The following RESF1 variants were observed in gnomAD, a reference collection of about 807,000 sequenced individuals.
The protein encoded by RESF1 is retroelement silencing factor 1.
Under a neutral mutation model 134.7 loss-of-function variants are expected in RESF1, and 65 were observed. The ratio of observed to expected loss-of-function variants is 0.48; its 90% CI spans 0.40 to 0.59. The LOEUF (loss-of-function observed/expected upper bound fraction) is 0.59. Ranked by LOEUF, RESF1 falls within the 20% of genes least tolerant of loss-of-function variation. The pLI is 0.00. For missense variants in RESF1, 2,274 were observed against 2,002.7 expected (o/e 1.14, Z -2.59); for synonymous variants, 762 against 702.2 (o/e 1.09, Z -1.35).
chr12:31,962,222 A>T (rs916943496), intron 2 of RESF1, among the ~76,000 whole-genome samples: 14 of 139,800 alleles, frequency 1.0e-4, no homozygotes, highest in African/African-American at 1.8e-4. Flanking sequence ...TGTCTTTTTA[A>T]AAAAAAAAAA....
At position 31,981,754 on chromosome 12, in the gene RESF1, C is replaced by G; in HGVS notation, c.799C>G (p.Gln267Glu). The G allele has an allele frequency of 6.2e-7, 1 of 1,613,820 alleles. No individual in the cohort carries two copies. Among genetic ancestry groups the G allele is most frequent in the Non-Finnish European group, 8.5e-7 (1 of 1,179,996 alleles). ...AAGGCAGACCTCAGCTGTACCATCA[C>G]AGCAGTATGCCACGCAAACTGACAA... ...PSRQTSAVPS[Q>E]QYATQTDKRP... The change falls in exon 4 of 6, where the codon CAG (glutamine) becomes GAG (glutamate). Residue 267 changes from glutamine (Q) to glutamate (E), a missense_variant. Coordinates refer to ENST00000312561, the MANE Select transcript of RESF1 (RefSeq NM_018169.4).
At chr12:31,989,631 C>T (rs917560797) in intron 5 of RESF1, among the ~76,000 whole-genome samples, 2 of 152,046 alleles carry the variant, frequency 1.3e-5, no homozygotes, top group Admixed American at 1.3e-4. Flanking sequence ...GCAGGCAGAT[C>T]GCCTGAGGTC....
chr12:31,962,041 G>C (rs1302352594), intron 2 of RESF1, among the ~76,000 whole-genome samples: 1 of 152,092 alleles, frequency 6.6e-6, no homozygotes, highest in Non-Finnish European at 1.5e-5. Flanking sequence ...CTGGCCTCAA[G>C]TTGGCCAACA....
chr12:31,985,448 A>T lies in RESF1; in HGVS notation c.4493A>T (p.His1498Leu). 6.2e-7 allele frequency: 1 copy of T among 1,607,538 alleles called. No homozygotes were observed. Among genetic ancestry groups the T allele is most frequent in the Non-Finnish European group, 8.5e-7 (1 of 1,178,344 alleles). The change falls in exon 4 of 6, where the codon CAC (histidine) becomes CTC (leucine). Residue 1498 changes from histidine to leucine, a missense_variant. His to Leu is a moderately conservative substitution (Grantham distance 99). Coordinates refer to ENST00000312561, the MANE Select transcript of RESF1 (RefSeq NM_018169.4). ...AGTTGTGGGAAATCAAATGAGAAACACAGCAGCGGCGTGCAGACCTCTAAA... is the reference window on the plus strand; with the variant it reads ...AGTTGTGGGAAATCAAATGAGAAACTCAGCAGCGGCGTGCAGACCTCTAAA... ...VESCGKSNEK[H>L]SSGVQTSKES...
At chr12:31,988,946 G>A (rs1414599245) in intron 5 of RESF1, among the ~76,000 whole-genome samples, 6 of 151,324 alleles carry the variant, frequency 4.0e-5, no homozygotes, top group South Asian at 2.1e-4. Flanking sequence ...CACCTGCCTC[G>A]GCCTCCCAAA....
In RESF1 at chr12:31,992,539, C is replaced by T. The variant is rs1057085580; in HGVS notation, c.*4C>T. Reference sequence around the variant, plus strand: ...TGGTAGCAGTCCTGTAAAATAATTACAAGATGTGGTTTTGTAATTGCCACT... The same window carrying T: ...TGGTAGCAGTCCTGTAAAATAATTATAAGATGTGGTTTTGTAATTGCCACT... On this transcript the variant is annotated 3_prime_UTR_variant, in exon 6 of 6. Transcript: ENST00000312561. 2 of 1,611,856 alleles carry T rather than the reference C, an allele frequency of 1.2e-6. No individual in the cohort carries two copies. Among genetic ancestry groups the T allele is most frequent in the East Asian group, 2.2e-5 (1 of 44,816 alleles).
chr12:31,973,047 C>T (rs1369817548), intron 3 of RESF1, among the ~76,000 whole-genome samples: 2 of 151,928 alleles, frequency 1.3e-5, no homozygotes, highest in Non-Finnish European at 2.9e-5. Context: ...TTCATGGAAG[C>T]ACAAATTCTT....
intron 4 of RESF1, among the ~76,000 whole-genome samples, chr12:31,986,862 A>T (rs1939983479): frequency 6.6e-6 from 1 of 152,192 alleles, no homozygotes; most frequent in Non-Finnish European, 1.5e-5. Context: ...TTCATTTTGT[A>T]AAAAATTGGT....
In RESF1 at chr12:31,982,349, C is replaced by T. The variant is rs1432666558; in HGVS notation, c.1394C>T (p.Ala465Val). 1 of 1,614,106 alleles carries T rather than the reference C, an allele frequency of 6.2e-7. No individual in the cohort carries two copies. Among genetic ancestry groups the T allele is most frequent in the South Asian group, 1.1e-5 (1 of 91,076 alleles). The change falls in exon 4 of 6, where the codon GCA (alanine) becomes GTA (valine). Residue 465 changes from alanine to valine, a missense_variant. Coordinates refer to ENST00000312561, the MANE Select transcript of RESF1 (RefSeq NM_018169.4). ...PQITPVMPEN[A>V]ERQTPTVVES... ...ATAACTCCAGTAATGCCAGAGAATGCAGAGAGACAAACACCAACAGTAGTG... is the reference window on the plus strand; with the variant it reads ...ATAACTCCAGTAATGCCAGAGAATGTAGAGAGACAAACACCAACAGTAGTG...
intron 3 of RESF1, among the ~76,000 whole-genome samples, chr12:31,976,367 A>G (rs530857517): frequency 6.6e-6 from 1 of 152,298 alleles, no homozygotes; most frequent in South Asian, 2.1e-4. Context: ...ATAAACACAT[A>G]TTTTGTATGT....
rs757766897 is a variant in RESF1 at position 31,985,966 on chromosome 12, T to G, written c.5002+9T>G. 2 of 1,460,912 alleles carry G rather than the reference T, an allele frequency of 1.4e-6. No individual in the cohort carries two copies. The highest frequency in any genetic ancestry group is 1.6e-5 in the South Asian group (1 of 62,636). The allele number at this position is 1,460,912 out of a possible 1,614,324, so 90.5% of individuals were successfully genotyped here. On this transcript the variant is annotated intron_variant, in intron 4 of 5. Coordinates refer to ENST00000312561, the MANE Select transcript of RESF1 (RefSeq NM_018169.4). ...GCAAGCCCCTCTGCAAGGTCCAGTATGATTTTCTTGGTGGTGTCTACAATA... is the reference window on the plus strand; with the variant it reads ...GCAAGCCCCTCTGCAAGGTCCAGTAGGATTTTCTTGGTGGTGTCTACAATA...
chr12:31,965,907 A>AG (rs1939388976), intron 2 of RESF1, among the ~76,000 whole-genome samples: 1 of 151,212 alleles, frequency 6.6e-6, no homozygotes, highest in Admixed American at 6.6e-5. Flanking sequence ...AAAAAAAAAA[A>AG]GAAGTGATAC....
chr12:31,967,567 G>T (rs1939423521), intron 2 of RESF1, among the ~76,000 whole-genome samples: 2 of 152,042 alleles, frequency 1.3e-5, no homozygotes, highest in African/African-American at 2.4e-5. Context: ...CCATTGATTG[G>T]TTTTTTGTTT....
rs529145360 is a variant in RESF1, at chr12:31,984,329, C to G, written c.3374C>G (p.Pro1125Arg). 6 of 1,613,952 alleles carry G rather than the reference C, an allele frequency of 3.7e-6. No individual in the cohort carries two copies. The highest frequency in any genetic ancestry group is 2.2e-5 in the East Asian group (1 of 44,892). ...KEIFPEQDDQPYVVDKLAEPQ... is the reference protein window; with the variant it reads ...KEIFPEQDDQRYVVDKLAEPQ... ...ATATTTCCTGAACAGGATGATCAAC[C>G]CTATGTAGTAGACAAGTTGGCAGAA... Residue 1125 changes from proline (P) to arginine (R), a missense_variant, in exon 4 of 6, where the codon CCC (proline) becomes CGC (arginine). Pro to Arg is a moderately radical substitution (Grantham distance 103). Coordinates refer to ENST00000312561, the MANE Select transcript of RESF1 (RefSeq NM_018169.4).
rs757842875 is a variant in RESF1 at position 31,981,585 on chromosome 12, T to G, written c.630T>G (p.Asp210Glu). The G allele has an allele frequency of 6.2e-7, 1 of 1,614,146 alleles. No individual in the cohort carries two copies. The highest frequency in any genetic ancestry group is 8.5e-7 in the Non-Finnish European group (1 of 1,180,018). ...QCISKGLTYP[D>E]YRPPPKLYRY... is the part of the protein sequence containing the mutation. ...TATCTAAGGGACTGACTTACCCAGA[T>G]TACAGACCACCTCCAAAGCTATACC... Residue 210 changes from aspartate (D) to glutamate (E), a missense_variant, in exon 4 of 6, where the codon GAT (aspartate) becomes GAG (glutamate). Asp to Glu is a conservative substitution (Grantham distance 45). Coordinates refer to ENST00000312561, the MANE Select transcript of RESF1 (RefSeq NM_018169.4).
At chr12:31,967,439 G>A (rs1395950750) in intron 2 of RESF1, among the ~76,000 whole-genome samples, 3 of 152,178 alleles carry the variant, frequency 2.0e-5, no homozygotes, top group African/African-American at 4.8e-5. Context: ...CTCAGCTTAC[G>A]ATGGAGTTAC....
chr12:31,991,210 AC>A (rs1227654242), intron 5 of RESF1, among the ~76,000 whole-genome samples: 1 of 151,374 alleles, frequency 6.6e-6, no homozygotes, highest in Non-Finnish European at 1.5e-5. Context: ...AAAAAAAAAA[AC>A]CCACAGGAGA....
rs770959163 is a variant in RESF1, at chr12:31,985,760, G to T, written c.4805G>T (p.Ser1602Ile). 14 of 1,575,994 alleles carry T rather than the reference G, an allele frequency of 8.9e-6. No individual in the cohort carries two copies. In the Admixed American group the frequency reaches 2.4e-4, roughly 27 times the overall value. ...RESISLTKLE[S>I]SPRKLHKDKR... ...AGCATTTCTCTCACCAAATTAGAAA[G>T]TTCACCCAGGAAGCTTCATAAAGAT... The change falls in exon 4 of 6, where the codon AGT (serine) becomes ATT (isoleucine). Residue 1602 changes from serine (S) to isoleucine (I), a missense_variant. By Grantham distance (142) the Ser-to-Ile change is moderately radical (BLOSUM62 -2). Coordinates refer to ENST00000312561, the MANE Select transcript of RESF1 (RefSeq NM_018169.4).
chr12:31,969,730 C>A (rs1939467889), intron 2 of RESF1, among the ~76,000 whole-genome samples: 1 of 152,088 alleles, frequency 6.6e-6, no homozygotes, highest in Admixed American at 6.6e-5. Context: ...CCTCAACCCC[C>A]TGGGTTCATC....
Sources: gnomAD v4.1 joint callset for allele counts (sites outside exome capture counted in the v4.1 genomes callset) on GRCh38, gnomAD v4.1.1 for gene constraint, MANE v1.5 for transcripts, NCBI Gene and HGNC (gene_info 2026-07-23, HGNC 2026-07-21) for gene names.